Variants in SMIM3 observed in about 807,000 individuals in gnomAD.
The protein encoded by SMIM3 is NGF-induced differentiation clone 67 protein.
In SMIM3, 4 loss-of-function variants were observed where a neutral mutation model predicts 2.1. The ratio of observed to expected loss-of-function variants is 1.89; its 90% CI spans 0.93 to 4.31. The LOEUF is 4.31. Among genes scored for constraint, SMIM3 ranks in the 30% most tolerant of loss-of-function variants. SMIM3 has a pLI of 0.01. For missense variants in SMIM3, 79 were observed against 77.7 expected (o/e 1.02, Z -0.06); for synonymous variants, 29 against 30.8 (o/e 0.94, Z 0.19).
At chr5:150,787,319 C>T (rs1490507794) in intron 1 of SMIM3, among the ~76,000 whole-genome samples, 1 of 152,020 alleles carries the variant, frequency 6.6e-6, no homozygotes, top group African/African-American at 2.4e-5. Context: ...TTTTTTGGTC[C>T]CACTTTTCTA....
Position 150,796,522 on chromosome 5 carries a change from G to T in SMIM3, c.*899G>T, listed in dbSNP as rs1285413357. ...TTTTGGGACCTACTAAAACAATGAT[G>T]GTTATTTTAGATGTGATGATTTATA... On this transcript the variant is annotated 3_prime_UTR_variant, in exon 2 of 2. Transcript: ENST00000526627. 6.6e-6 allele frequency: 1 copy of T among 152,238 alleles called. No homozygotes were observed. Among genetic ancestry groups the T allele is most frequent in the African/African-American group, 2.4e-5 (1 of 41,422 alleles). 9.4% of individuals were successfully genotyped at this position (152,238 alleles called of 1,614,324 possible). A position where few individuals can be genotyped will look rare whatever the true frequency, so the allele number is the denominator to read the frequency against.
In SMIM3 at chr5:150,784,349, T is replaced by C. The variant is rs537195965; in HGVS notation, c.-12+5377T>C. ...GACTAAAGCTCAAAGAGGTTAAACCTCTTGCCAAAGCCACCAGGACTCCAT... is the reference window on the plus strand; with the variant it reads ...GACTAAAGCTCAAAGAGGTTAAACCCCTTGCCAAAGCCACCAGGACTCCAT... On this transcript the variant is annotated intron_variant, in intron 1 of 1. Coordinates refer to ENST00000526627, the MANE Select transcript of SMIM3 (RefSeq NM_032947.5). Among the ~76,000 whole-genome samples the C allele has an allele frequency of 1.4e-4, 21 of 152,286 alleles. No individual in the cohort carries two copies. The South Asian group carries it at 4.4e-3, about 32-fold the overall frequency.
At chr5:150,794,637 A>G (rs571032892) in intron 1 of SMIM3, among the ~76,000 whole-genome samples, 6 of 152,228 alleles carry the variant, frequency 3.9e-5, no homozygotes, top group African/African-American at 1.4e-4. Context: ...AAGGCATAAG[A>G]ATGATAATTT....
At chr5:150,781,341 A>G (rs1468125917) in intron 1 of SMIM3, among the ~76,000 whole-genome samples, 1 of 152,204 alleles carries the variant, frequency 6.6e-6, no homozygotes, top group Non-Finnish European at 1.5e-5. Flanking sequence ...CCAACTCACT[A>G]GGGAAACAGA....
intron 1 of SMIM3, among the ~76,000 whole-genome samples, chr5:150,794,729 C>G (rs1034282889): frequency 6.6e-6 from 1 of 152,110 alleles, no homozygotes; most frequent in Non-Finnish European, 1.5e-5. Context: ...TTCACTGAAT[C>G]CTTAGTGTCT....
intron 1 of SMIM3, among the ~76,000 whole-genome samples, chr5:150,786,490 T>C (rs2113202303): frequency 6.6e-6 from 1 of 152,314 alleles, no homozygotes; most frequent in East Asian, 1.9e-4. Context: ...TTTTGCCATG[T>C]TGCTTAGGCT....
chr5:150,779,267 C>T (rs1753207294), intron 1 of SMIM3, among the ~76,000 whole-genome samples: 1 of 152,188 alleles, frequency 6.6e-6, no homozygotes. Context: ...ACTGGCTTCT[C>T]TCCGGGTCCG....
At chr5:150,794,718 A>G (rs1001013868) in intron 1 of SMIM3, among the ~76,000 whole-genome samples, 3 of 152,196 alleles carry the variant, frequency 2.0e-5, no homozygotes, top group Non-Finnish European at 4.4e-5. Flanking sequence ...ATCGTGTTCA[A>G]TTCACTGAAT....
chr5:150,787,946 T>C lies in SMIM3; in HGVS notation c.-11-7484T>C, dbSNP rs150880876. On this transcript the variant is annotated intron_variant, in intron 1 of 1. Coordinates refer to ENST00000526627, the MANE Select transcript of SMIM3 (RefSeq NM_032947.5). ...TTGCAAATACCAAGTACTTGACATA[T>C]GAATAAATGAATGAATATCCTGGAC... Among the ~76,000 whole-genome samples, 376 of 152,184 alleles carry C rather than the reference T, an allele frequency of 2.5e-3. 1 individual carries two copies. Among genetic ancestry groups the C allele is most frequent in the Non-Finnish European group, 4.4e-3 (301 of 68,016 alleles).
At chr5:150,784,518 T>C (rs1456605064) in intron 1 of SMIM3, among the ~76,000 whole-genome samples, 2 of 152,214 alleles carry the variant, frequency 1.3e-5, no homozygotes, top group East Asian at 3.8e-4. Flanking sequence ...TTTCTCCTTA[T>C]AATTCTGAGA....
At chr5:150,780,443 G>T (rs373831010) in intron 1 of SMIM3, among the ~76,000 whole-genome samples, 1 of 152,204 alleles carries the variant, frequency 6.6e-6, no homozygotes, top group African/African-American at 2.4e-5. Flanking sequence ...CCTGTTCCCA[G>T]CTGTCCTGGG....
chr5:150,787,307 G>GT (rs1308483394), intron 1 of SMIM3, among the ~76,000 whole-genome samples: 1 of 152,056 alleles, frequency 6.6e-6, no homozygotes, highest in African/African-American at 2.4e-5. Flanking sequence ...CTTCCATCAG[G>GT]TTTTTTTGGT....
chr5:150,789,413 T>C (rs1422769114), intron 1 of SMIM3, among the ~76,000 whole-genome samples: 1 of 152,122 alleles, frequency 6.6e-6, no homozygotes, highest in Non-Finnish European at 1.5e-5. Flanking sequence ...CCATGTTACA[T>C]GGGGAAGAAC....
intron 1 of SMIM3, among the ~76,000 whole-genome samples, chr5:150,791,871 A>ATTAAAT (rs1753353371): frequency 1.4e-4 from 22 of 152,256 alleles, no homozygotes; most frequent in Admixed American, 1.4e-3. Context: ...GTAAATTAAT[A>ATTAAAT]TTTGTAATGC....
chr5:150,790,476 G>A (rs1175839454), intron 1 of SMIM3, among the ~76,000 whole-genome samples: 1 of 152,080 alleles, frequency 6.6e-6, no homozygotes, highest in Non-Finnish European at 1.5e-5. Context: ...TAGACCTTGG[G>A]GAAAGTTACT....
chr5:150,785,152 A>G (rs537256581), intron 1 of SMIM3, among the ~76,000 whole-genome samples: 1 of 142,352 alleles, frequency 7.0e-6, no homozygotes, highest in Admixed American at 7.1e-5. Context: ...CAGTGGCACA[A>G]TCTTGGTTCA....
rs62380616 is a variant in SMIM3, at chr5:150,795,852, G to A, written c.*229G>A. ...GATCCCTGCCCTTTCTACCTCATAG[G>A]GATGTGAGAACCACCTGACTTAGTG... On this transcript the variant is annotated 3_prime_UTR_variant, in exon 2 of 2. Transcript: ENST00000526627. 0.026 allele frequency: 14,775 copies of A among 559,826 alleles called. 253 individuals are homozygous for A. The highest frequency in any genetic ancestry group is 0.034 in the Non-Finnish European group (10,582 of 313,642). The allele number at this position is 559,826 out of a possible 1,614,324, so 34.7% of individuals were successfully genotyped here.
chr5:150,794,006 C>T (rs975290348), intron 1 of SMIM3, among the ~76,000 whole-genome samples: 2 of 152,056 alleles, frequency 1.3e-5, no homozygotes, highest in African/African-American at 4.8e-5. Context: ...AAAAAGTGGG[C>T]TAAGGACATG....
intron 1 of SMIM3, among the ~76,000 whole-genome samples, chr5:150,780,344 G>C (rs1561722296): frequency 6.6e-6 from 1 of 152,172 alleles, no homozygotes; most frequent in African/African-American, 2.4e-5. Context: ...CACACGCAAA[G>C]CAGCACAGCT....
Sources: gnomAD v4.1 joint callset for allele counts (sites outside exome capture counted in the v4.1 genomes callset) on GRCh38, gnomAD v4.1.1 for gene constraint, MANE v1.5 for transcripts, NCBI Gene and HGNC (gene_info 2026-07-23, HGNC 2026-07-21) for gene names.